DGKK: variants seen among roughly 807,000 people sequenced by gnomAD.
DGKK encodes diacylglycerol kinase kappa.
In DGKK, 35 loss-of-function variants were observed where a neutral mutation model predicts 92.2. The observed-to-expected ratio is 0.38, with a 90% confidence interval of 0.29 to 0.50. DGKK has a LOEUF of 0.50. Among genes scored for constraint, DGKK ranks in the 20% least tolerant of loss-of-function variants. DGKK has a pLI of 0.92. For missense variants in DGKK, 910 were observed against 992.2 expected, an observed-to-expected ratio of 0.92 and a Z score of 1.11; for synonymous variants, 368 against 360.6, an observed-to-expected ratio of 1.02 and a Z score of -0.23.
Position 50,384,784 on chromosome X carries a change from G to A in DGKK, c.2388C>T (p.Asn796=). ...CTTCCAGGAAGAAAGTTGAACTAAA[G>A]TTCTTAACAGATATTGTCTGTCTGC... is the stretch of plus-strand genomic sequence containing the variant. ...EESRQTISVK[N]FSSTFFLEDD... Residue 796 remains asparagine (N), a synonymous_variant, in exon 16 of 28, where the codon AAC becomes AAT. Coordinates refer to ENST00000611977, the MANE Select transcript of DGKK (RefSeq NM_001013742.4). The A allele has an allele frequency of 9.1e-6, 11 of 1,208,718 alleles. No individual in the cohort carries two copies. The highest frequency in any genetic ancestry group is 1.1e-5 in the Non-Finnish European group (10 of 893,723).
At chrX:50,390,885 C>T (rs2147124166) in intron 11 of DGKK, among the ~76,000 whole-genome samples, 1 of 111,858 alleles carries the variant, frequency 8.9e-6, no homozygotes. Context: ...ACTTGCTCTT[C>T]TCTAGAGCAG....
chrX:50,433,051 G>A (rs1393530756), intron 1 of DGKK, among the ~76,000 whole-genome samples: 1 of 111,830 alleles, frequency 8.9e-6, no homozygotes, highest in African/African-American at 3.3e-5. Context: ...GCTCTGCTGA[G>A]CCCGCCCAGA....
At position 50,370,450 on chromosome X, in the gene DGKK, C is replaced by G; in HGVS notation, c.3712G>C (p.Gly1238Arg). Residue 1238 changes from glycine to arginine, a missense_variant, in exon 27 of 28, where the codon GGC becomes CGC. Gly to Arg is a moderately radical substitution (Grantham distance 125). Coordinates refer to ENST00000611977, the MANE Select transcript of DGKK (RefSeq NM_001013742.4). ...KVEEERKPKSGQSVQSFIGNL... is the reference protein window; with the variant it reads ...KVEEERKPKSRQSVQSFIGNL... ...CCAATAAAACTCTGGACACTCTGGC[C>G]TGATTTAGGCTTGCGTTCCTCTTCT... The G allele has an allele frequency of 8.4e-7, 1 of 1,191,947 alleles. No homozygotes were observed. The highest frequency in any genetic ancestry group is 1.1e-6 in the Non-Finnish European group (1 of 884,803).
Position 50,419,710 on chromosome X carries a change from C to T in DGKK, c.942+693G>A, listed in dbSNP as rs190239136. Among the ~76,000 whole-genome samples, 518 of 112,126 alleles carry T rather than the reference C, an allele frequency of 4.6e-3. 3 individuals carry two copies. The highest frequency in any genetic ancestry group is 7.3e-3 in the Non-Finnish European group (387 of 53,190). ...GACACAGATCTCTCTCCTCTTGGAACTTACATAAATTCTAACTGTGGTAGA... is the reference window on the plus strand; with the variant it reads ...GACACAGATCTCTCTCCTCTTGGAATTTACATAAATTCTAACTGTGGTAGA... On this transcript the variant is annotated intron_variant, in intron 4 of 27. Transcript: ENST00000611977.
chrX:50,424,801 A>G (rs1557229514), intron 1 of DGKK, among the ~76,000 whole-genome samples: 1 of 111,507 alleles, frequency 9.0e-6, no homozygotes, highest in Non-Finnish European at 1.9e-5. Flanking sequence ...AAGTTAGATC[A>G]TGTTCCTTCC....
chrX:50,390,045 C>A (rs1924646046), intron 12 of DGKK, among the ~76,000 whole-genome samples: 1 of 112,332 alleles, frequency 8.9e-6, no homozygotes. Context: ...TAGACTATGT[C>A]ATTCTTCTTT....
At chrX:50,404,280 C>T in intron 4 of DGKK, 96 bp from the exon 5 acceptor site, 2 of 986,272 alleles carry the variant, frequency 2.0e-6, no homozygotes, top group Non-Finnish European at 2.7e-6. Context: ...AAATGGCCTG[C>T]TGTATAGGTG....
intron 1 of DGKK, among the ~76,000 whole-genome samples, chrX:50,461,529 T>G (rs1233712297): frequency 8.9e-6 from 1 of 112,581 alleles, no homozygotes; most frequent in Non-Finnish European, 1.9e-5. Flanking sequence ...ATGCATTCCT[T>G]TATTTTATTA....
At chrX:50,463,915 G>A (rs1557233679) in intron 1 of DGKK, among the ~76,000 whole-genome samples, 1 of 109,498 alleles carries the variant, frequency 9.1e-6, no homozygotes, top group East Asian at 2.8e-4. Context: ...TTTTCTATTT[G>A]TTCTCAAATT....
intron 1 of DGKK, among the ~76,000 whole-genome samples, chrX:50,466,056 G>T (rs1179947965): frequency 1.3e-5 from 1 of 74,152 alleles, no homozygotes; most frequent in African/African-American, 5.3e-5. Context: ...TTCCTTGGAG[G>T]CACTTTCCCT....
intron 1 of DGKK, among the ~76,000 whole-genome samples, chrX:50,445,633 G>T (rs1926286743): frequency 1.8e-5 from 2 of 110,929 alleles, no homozygotes; most frequent in Admixed American, 9.6e-5. Context: ...CTGTTCCGTT[G>T]GTCTATGTGT....
chrX:50,398,921 G>A (rs1557226344), intron 8 of DGKK, among the ~76,000 whole-genome samples: 1 of 112,059 alleles, frequency 8.9e-6, no homozygotes, highest in Non-Finnish European at 1.9e-5. Flanking sequence ...TTTTCTTCTT[G>A]TATCAACTGC....
Position 50,376,143 on chromosome X carries a change from G to A in DGKK, c.3295C>T (p.His1099Tyr). The change falls in exon 24 of 28, where the codon CAC becomes TAC. Residue 1099 changes from histidine (H) to tyrosine (Y), a missense_variant. Transcript: ENST00000611977. ...ISKLNDLSKI[H>Y]QHVSVLMGSV... ...CCCATGAGGACAGACACATGCTGGT[G>A]GATCTTGCTCAGGTCATTAAGTCTG... 3.3e-6 allele frequency: 4 copies of A among 1,210,853 alleles called. No homozygotes were observed. The highest frequency in any genetic ancestry group is 4.5e-6 in the Non-Finnish European group (4 of 895,113).
At chrX:50,465,441 T>A (rs1449745587) in intron 1 of DGKK, among the ~76,000 whole-genome samples, 1 of 110,728 alleles carries the variant, frequency 9.0e-6, no homozygotes, top group Non-Finnish European at 1.9e-5. Flanking sequence ...CTTGCTTTTT[T>A]TTTTTTCCTT....
At chrX:50,441,616 G>A (rs1050696690) in intron 1 of DGKK, among the ~76,000 whole-genome samples, 1 of 111,566 alleles carries the variant, frequency 9.0e-6, no homozygotes, top group Non-Finnish European at 1.9e-5. Context: ...TCCTTTCAAC[G>A]TCCCACAAAG....
intron 4 of DGKK, among the ~76,000 whole-genome samples, chrX:50,416,151 CA>C (rs1452365661): frequency 3.6e-5 from 4 of 111,523 alleles, no homozygotes; most frequent in Admixed American, 2.8e-4. Context: ...AGCCCCTCAC[CA>C]GACACTGAAC....
chrX:50,382,620 A>C lies in DGKK; in HGVS notation c.2550-17T>G. The C allele has an allele frequency of 8.7e-7, 1 of 1,147,296 alleles. No individual in the cohort carries two copies. The highest frequency in any genetic ancestry group is 1.2e-6 in the Non-Finnish European group (1 of 841,620). The allele number at this position is 1,147,296 out of a possible 1,213,427, so 94.6% of individuals were successfully genotyped here. On this transcript the variant is annotated splice_polypyrimidine_tract_variant and intron_variant, in intron 17 of 27. Transcript: ENST00000611977. ...TTGAAGCGTCTGAAATTATTCAAAG[A>C]AGAGGACAGACATTGGTGCAGGAAA... is the stretch of plus-strand genomic sequence containing the variant.
rs781992259 is a variant in DGKK at position 50,463,309 on chromosome X, C to T, written c.645+6725G>A. 3.2e-5 allele frequency among the ~76,000 whole-genome samples: 3 copies of T among 94,552 alleles called. No individual in the cohort carries two copies. The Admixed American group carries it at 3.5e-4, about 11-fold the overall frequency. 82.1% of individuals were successfully genotyped at this position (94,552 alleles called of 115,157 possible). The stretch of plus-strand genomic sequence containing the variant: ...CTTCCTCTCTCCCTCTCCTTTCCTC[C>T]GTCTCCCCTTTCTTTTTCCCTCTCC... On this transcript the variant is annotated intron_variant, in intron 1 of 27. Coordinates refer to ENST00000611977, the MANE Select transcript of DGKK (RefSeq NM_001013742.4).
chrX:50,418,773 TC>T (rs1275864404), intron 4 of DGKK, among the ~76,000 whole-genome samples: 1 of 111,441 alleles, frequency 9.0e-6, no homozygotes, highest in Non-Finnish European at 1.9e-5. Flanking sequence ...TGCTGGGTAA[TC>T]AATACCTAGG....
Sources: allele counts gnomAD v4.1 joint callset (sites outside exome capture counted in the v4.1 genomes callset), GRCh38; gene constraint gnomAD v4.1.1; transcripts MANE v1.5; gene names NCBI Gene and HGNC (gene_info 2026-07-23, HGNC 2026-07-21).